Variants in GULP1 observed in about 807,000 individuals in gnomAD.
The protein encoded by GULP1 is GULP PTB domain containing engulfment adaptor 1.
GULP1 carries 19 observed loss-of-function variants against 40.9 expected under a neutral mutation model. The observed-to-expected ratio is 0.46, with a 90% CI of 0.32 to 0.68. The LOEUF is 0.68. GULP1 is among the 30% of genes least tolerant of loss of function. The pLI, the probability that GULP1 is intolerant of heterozygous loss-of-function variation, is 0.03. For missense variants in GULP1, 312 were observed against 362.2 expected, an observed-to-expected ratio of 0.86 and a Z score of 1.12; for synonymous variants, 119 against 117.6, an observed-to-expected ratio of 1.01 and a Z score of -0.08.
chr2:188,420,840 T>G (rs904721386), intron 2 of GULP1, among the ~76,000 whole-genome samples: 1 of 152,144 alleles, frequency 6.6e-6, no homozygotes, highest in Non-Finnish European at 1.5e-5. Context: ...CTTACTCCAG[T>G]CTGTGGATTG....
intron 1 of GULP1, among the ~76,000 whole-genome samples, chr2:188,364,397 G>A (rs183451030): frequency 8.5e-5 from 13 of 152,208 alleles, no homozygotes; most frequent in Admixed American, 7.9e-4. Context: ...ATACTACCAC[G>A]CTCATGGTAG....
At chr2:188,467,113 GA>G (rs967192522) in intron 2 of GULP1, among the ~76,000 whole-genome samples, 43 of 140,874 alleles carry the variant, frequency 3.1e-4, no homozygotes, top group Admixed American at 5.0e-4. Flanking sequence ...TGACACAGTT[GA>G]AAAAAAAAAA....
At chr2:188,478,352 TA>T (rs2061193956) in intron 3 of GULP1, among the ~76,000 whole-genome samples, 1 of 152,094 alleles carries the variant, frequency 6.6e-6, no homozygotes, top group African/African-American at 2.4e-5. Context: ...GATGCACTTA[TA>T]AAGAAAGATA....
intron 2 of GULP1, among the ~76,000 whole-genome samples, chr2:188,431,004 T>C (rs1403350925): frequency 6.6e-6 from 1 of 152,228 alleles, no homozygotes; most frequent in Non-Finnish European, 1.5e-5. Flanking sequence ...TTCCATACTT[T>C]ATTGACAGTA....
chr2:188,458,584 A>T (rs1415077513), intron 2 of GULP1, among the ~76,000 whole-genome samples: 1 of 152,136 alleles, frequency 6.6e-6, no homozygotes, highest in Non-Finnish European at 1.5e-5. Context: ...TATGGGGTAC[A>T]TGAAGTGTTT....
chr2:188,471,584 A>G (rs2060596985), intron 2 of GULP1, among the ~76,000 whole-genome samples: 1 of 152,140 alleles, frequency 6.6e-6, no homozygotes, highest in African/African-American at 2.4e-5. Flanking sequence ...GTATTACTTT[A>G]TAACACATTA....
chr2:188,371,464 G>A (rs2047590047), intron 1 of GULP1, among the ~76,000 whole-genome samples: 1 of 152,142 alleles, frequency 6.6e-6, no homozygotes, highest in Non-Finnish European at 1.5e-5. Context: ...TAAGAGAGTC[G>A]AGATTTCTGA....
chr2:188,504,395 C>T (rs2063714902), intron 4 of GULP1, among the ~76,000 whole-genome samples: 1 of 151,820 alleles, frequency 6.6e-6, no homozygotes, highest in African/African-American at 2.4e-5. Context: ...GGTGTATATA[C>T]CCCTACAATG....
intron 9 of GULP1, among the ~76,000 whole-genome samples, chr2:188,572,576 T>C (rs180976475): frequency 0.021 from 3,185 of 152,340 alleles, 106 homozygotes; most frequent in African/African-American, 0.073. Flanking sequence ...ACTTATAGTC[T>C]TTTGTCATGT....
intron 11 of GULP1, chr2:188,593,669 G>T: frequency 4.5e-6 from 1 of 223,832 alleles, no homozygotes; most frequent in Non-Finnish European, 8.7e-6. Flanking sequence ...TTCTGAAAAA[G>T]AAACCTTTAT....
chr2:188,526,334 T>C (rs563613411), intron 5 of GULP1, among the ~76,000 whole-genome samples: 116 of 152,276 alleles, frequency 7.6e-4, no homozygotes, highest in African/African-American at 2.7e-3. Flanking sequence ...CAGGGTTTAA[T>C]GGCAGATCAC....
intron 1 of GULP1, among the ~76,000 whole-genome samples, chr2:188,364,428 C>A (rs2046476823): frequency 6.6e-6 from 1 of 152,132 alleles, no homozygotes. Flanking sequence ...GCCTTCGCAT[C>A]TGTGTAGTAA....
intron 2 of GULP1, among the ~76,000 whole-genome samples, chr2:188,404,166 T>G (rs2052717283): frequency 6.6e-6 from 1 of 151,922 alleles, no homozygotes; most frequent in African/African-American, 2.4e-5. Context: ...AACAAAAAAT[T>G]TGATCACTAA....
chr2:188,449,231 T>A (rs1685803095), intron 2 of GULP1, among the ~76,000 whole-genome samples: 1 of 152,216 alleles, frequency 6.6e-6, no homozygotes, highest in African/African-American at 2.4e-5. Context: ...AATGTTTATC[T>A]TTCAAAAATA....
intron 1 of GULP1, among the ~76,000 whole-genome samples, chr2:188,309,483 A>G (rs2037701821): frequency 6.6e-6 from 1 of 152,088 alleles, no homozygotes; most frequent in Admixed American, 6.6e-5. Flanking sequence ...ATAAATAAAC[A>G]AGAAGAAATT....
At chr2:188,423,923 A>G (rs571800623) in intron 2 of GULP1, among the ~76,000 whole-genome samples, 1 of 151,882 alleles carries the variant, frequency 6.6e-6, no homozygotes, top group African/African-American at 2.4e-5. Flanking sequence ...ACACATACAT[A>G]CTAGACATGA....
At chr2:188,480,787 G>T (rs2061389597) in intron 3 of GULP1, among the ~76,000 whole-genome samples, 1 of 151,680 alleles carries the variant, frequency 6.6e-6, no homozygotes, top group Non-Finnish European at 1.5e-5. Context: ...GTGAATAAAT[G>T]ATTAAGTAAT....
At chr2:188,428,675 T>G (rs1333190405) in intron 2 of GULP1, among the ~76,000 whole-genome samples, 2 of 152,130 alleles carry the variant, frequency 1.3e-5, no homozygotes, top group East Asian at 3.9e-4. Context: ...AGGCCTCCCC[T>G]GAAGCCAAGC....
chr2:188,430,919 C>G (rs2056799621), intron 2 of GULP1, among the ~76,000 whole-genome samples: 1 of 152,232 alleles, frequency 6.6e-6, no homozygotes, highest in South Asian at 2.1e-4. Context: ...TACAGACAGA[C>G]AGGCCTTGCT....
Sources: allele counts gnomAD v4.1 joint callset (sites outside exome capture counted in the v4.1 genomes callset), GRCh38; gene constraint gnomAD v4.1.1; transcripts MANE v1.5; gene names NCBI Gene and HGNC (gene_info 2026-07-23, HGNC 2026-07-21).